Variants in EML6 observed in about 807,000 individuals in gnomAD.
The protein encoded by EML6 is echinoderm microtubule-associated protein-like 6.
Under a neutral mutation model 240.1 loss-of-function variants are expected in EML6, and 154 were observed. That is an observed-to-expected ratio of 0.64 (90% CI 0.56 to 0.73). EML6 has a LOEUF of 0.73. Ranked by LOEUF, EML6 falls within the 30% of genes least tolerant of loss-of-function variation. The pLI is 0.00. For missense variants in EML6, 2,964 were observed against 2,474.6 expected (o/e 1.20, Z -4.20); for synonymous variants, 1,148 against 899.0 (o/e 1.28, Z -4.95).
At chr2:54,826,086 G>A (rs910636205) in intron 5 of EML6, among the ~76,000 whole-genome samples, 1 of 152,112 alleles carries the variant, frequency 6.6e-6, no homozygotes, top group South Asian at 2.1e-4. Flanking sequence ...TGTTTCATTT[G>A]CCTCTGCATT....
intron 36 of EML6, among the ~76,000 whole-genome samples, chr2:54,963,585 G>A (rs966199628): frequency 5.3e-5 from 8 of 152,218 alleles, no homozygotes; most frequent in African/African-American, 1.7e-4. Context: ...AGAAGAGGTT[G>A]GCAATCTACA....
At chr2:54,846,921 G>GTTTTTTTTTTTTTTTTTT (rs1558606488) in intron 8 of EML6, among the ~76,000 whole-genome samples, 2 of 81,198 alleles carry the variant, frequency 2.5e-5, no homozygotes, top group Non-Finnish European at 5.6e-5. Flanking sequence ...GTATGAAGTA[G>GTTTTTTTTTTTTTTTTTT]TATTTTTTTT....
At chr2:54,918,092 G>A (rs572047430) in intron 26 of EML6, among the ~76,000 whole-genome samples, 1 of 152,092 alleles carries the variant, frequency 6.6e-6, no homozygotes, top group Non-Finnish European at 1.5e-5. Context: ...TTACACAATT[G>A]ATTTTCTAAG....
intron 17 of EML6, among the ~76,000 whole-genome samples, chr2:54,888,187 TA>T (rs1305003794): frequency 6.6e-6 from 1 of 152,116 alleles, no homozygotes; most frequent in African/African-American, 2.4e-5. Context: ...TAGCAGAGGG[TA>T]ATGAGGCATG....
At chr2:54,927,402 C>A (rs1413196394) in intron 26 of EML6, among the ~76,000 whole-genome samples, 1 of 152,222 alleles carries the variant, frequency 6.6e-6, no homozygotes, top group Non-Finnish European at 1.5e-5. Flanking sequence ...ATAAAATTTT[C>A]ATCTGGGATA....
intron 2 of EML6, among the ~76,000 whole-genome samples, chr2:54,800,978 G>A (rs2103969162): frequency 6.6e-6 from 1 of 152,190 alleles, no homozygotes. Flanking sequence ...CATGTTATCT[G>A]TTTCCTTGAA....
Position 54,911,007 on chromosome 2 carries a change from C to G in EML6, c.3463C>G (p.Pro1155Ala), listed in dbSNP as rs1673611755. 7.1e-6 allele frequency: 11 copies of G among 1,538,498 alleles called. No individual in the cohort carries two copies. The highest frequency in any genetic ancestry group is 9.7e-6 in the Non-Finnish European group (11 of 1,137,578). The change falls in exon 25 of 42, where the codon CCA (proline) becomes GCA (alanine). Residue 1155 changes from proline to alanine, a missense_variant. Physicochemically the swap from Pro to Ala is conservative, Grantham distance 27 (BLOSUM62 -1). Transcript: ENST00000356458. The stretch of plus-strand genomic sequence containing the variant: ...CAGAGAACAACTTTTTTTTGAAGCT[C>G]CAAGAGGCAAACGGCATATAATAAG... ...GAREQLFFEA[P>A]RGKRHIIRPS...
intron 26 of EML6, among the ~76,000 whole-genome samples, chr2:54,922,703 G>A (rs1244754601): frequency 2.0e-5 from 3 of 152,088 alleles, no homozygotes; most frequent in African/African-American, 7.2e-5. Context: ...ATACATGGTG[G>A]CGTATTATTC....
intron 2 of EML6, among the ~76,000 whole-genome samples, chr2:54,809,595 T>G (rs1336368856): frequency 6.6e-6 from 1 of 152,174 alleles, no homozygotes; most frequent in Non-Finnish European, 1.5e-5. Context: ...TAGAAAAGGA[T>G]GGACTTGGTT....
intron 5 of EML6, among the ~76,000 whole-genome samples, chr2:54,825,138 A>G (rs1668526045): frequency 6.6e-6 from 1 of 152,208 alleles, no homozygotes; most frequent in Admixed American, 6.5e-5. Context: ...GGAAATATTC[A>G]GATAACTCAG....
At chr2:54,865,797 A>T (rs1284454874) in intron 13 of EML6, among the ~76,000 whole-genome samples, 2 of 152,202 alleles carry the variant, frequency 1.3e-5, no homozygotes, top group Admixed American at 6.5e-5. Context: ...CCGATATTTG[A>T]TTTACATTCA....
At chr2:54,928,879 C>A in intron 28 of EML6, 128 bp downstream of exon 28, 1 of 1,110,536 alleles carries the variant, frequency 9.0e-7, no homozygotes, top group Non-Finnish European at 1.3e-6. Flanking sequence ...TTCACAGAGT[C>A]TTCACCTGTA....
intron 17 of EML6, among the ~76,000 whole-genome samples, chr2:54,888,914 C>T (rs748770182): frequency 4.6e-5 from 7 of 152,152 alleles, no homozygotes; most frequent in Non-Finnish European, 8.8e-5. Context: ...TAAGAATATG[C>T]TTAGTTTTGT....
chr2:54,923,002 C>T (rs566804866), intron 26 of EML6, among the ~76,000 whole-genome samples: 14 of 138,242 alleles, frequency 1.0e-4, no homozygotes, highest in African/African-American at 3.9e-4. Context: ...AGTGCAATGG[C>T]ACAATCTGGG....
At chr2:54,869,468 C>A in intron 15 of EML6, 101 bp downstream of exon 15, 2 of 874,574 alleles carry the variant, frequency 2.3e-6, no homozygotes, top group African/African-American at 3.4e-5. Flanking sequence ...TAGAAATAAA[C>A]ATGAGATGGG....
chr2:54,923,851 T>A (rs1674397784), intron 26 of EML6, among the ~76,000 whole-genome samples: 1 of 152,160 alleles, frequency 6.6e-6, no homozygotes, highest in Non-Finnish European at 1.5e-5. Flanking sequence ...TCACCATAAA[T>A]TTTACCTGTT....
intron 17 of EML6, chr2:54,882,851 C>T (rs2104000978): frequency 3.7e-4 from 1 of 2,710 alleles, no homozygotes; most frequent in Admixed American, 9.8e-3. Context: ...GAGCCAGACT[C>T]CGTCTCAAAA....
In EML6 at chr2:54,796,886, C is replaced by A. The variant is rs354946; in HGVS notation, c.198-16346C>A. ...ACCCTGTGGCCAGGTAGTCACAAGG[C>A]GGGGATCCTTTAAAAAGGTAAGCTC... On this transcript the variant is annotated intron_variant, in intron 2 of 41. Transcript: ENST00000356458. Among the ~76,000 whole-genome samples, 897 of 152,040 alleles carry A rather than the reference C, an allele frequency of 5.9e-3. 10 individuals carry two copies. The highest frequency in any genetic ancestry group is 0.02 in the African/African-American group (839 of 41,444).
chr2:54,785,567 A>G (rs943715032), intron 2 of EML6, among the ~76,000 whole-genome samples: 1 of 152,140 alleles, frequency 6.6e-6, no homozygotes, highest in Non-Finnish European at 1.5e-5. Flanking sequence ...CACTATAGTT[A>G]ATTTTATGCA....
Sources: allele counts gnomAD v4.1 joint callset (sites outside exome capture counted in the v4.1 genomes callset), GRCh38; gene constraint gnomAD v4.1.1; transcripts MANE v1.5; gene names NCBI Gene and HGNC (gene_info 2026-07-23, HGNC 2026-07-21).